Variants in ESYT1 observed in about 807,000 individuals in gnomAD.
The protein encoded by ESYT1 is extended synaptotagmin-1.
ESYT1 carries 116 observed loss-of-function variants against 154.2 expected under a neutral mutation model. That is an observed-to-expected ratio of 0.75 (90% CI 0.65 to 0.88). The LOEUF is 0.88. Among genes scored for constraint, ESYT1 ranks in the 40% least tolerant of loss-of-function variants. The probability of loss-of-function intolerance (pLI) is 0.00; values close to 1 mark genes in which losing one functional copy is unlikely to be tolerated. For synonymous variants in ESYT1, 500 were observed against 539.9 expected (o/e 0.93, Z 1.02); for missense variants, 1,264 against 1,379.3 (o/e 0.92, Z 1.32).
Position 56,128,531 on chromosome 12 carries a change from C to T in ESYT1, c.212C>T (p.Ala71Val). 1 of 1,612,550 alleles carries T rather than the reference C, an allele frequency of 6.2e-7. No homozygotes were observed. Among genetic ancestry groups the T allele is most frequent in the Middle Eastern group, 1.7e-4 (1 of 5,976 alleles). Reference sequence around the variant, plus strand: ...CTGGTGCTGATACCTGTGTATTTGGCCGGGGCAGTGGGACTCAGCGTGGGT... The same window carrying T: ...CTGGTGCTGATACCTGTGTATTTGGTCGGGGCAGTGGGACTCAGCGTGGGT... The part of the protein sequence containing the change: ...RLLVLIPVYL[A>V]GAVGLSVGFV... The change falls in exon 1 of 31, where the codon GCC (alanine) becomes GTC (valine). Residue 71 changes from alanine (A) to valine (V), a missense_variant. Ala to Val is a moderately conservative substitution (Grantham distance 64). Transcript: ENST00000394048.
chr12:56,144,307 A>G lies in ESYT1; in HGVS notation c.*445A>G. ...GGACAGGCTAACCTCTCCAGCTGTG[A>G]GCCTCTTAGACTACTGCATGTAGCA... On this transcript the variant is annotated 3_prime_UTR_variant, in exon 31 of 31. Coordinates refer to ENST00000394048, the MANE Select transcript of ESYT1 (RefSeq NM_015292.3). The G allele has an allele frequency of 9.6e-7, 1 of 1,042,766 alleles. No homozygotes were observed. The highest frequency in any genetic ancestry group is 1.2e-6 in the Non-Finnish European group (1 of 863,690). The allele number at this position is 1,042,766 out of a possible 1,614,324, so 64.6% of individuals were successfully genotyped here.
chr12:56,138,063 T>A lies in ESYT1; in HGVS notation c.2236T>A (p.Phe746Ile), dbSNP rs149880853. 1 of 1,614,192 alleles carries A rather than the reference T, an allele frequency of 6.2e-7. No individual in the cohort carries two copies. Among genetic ancestry groups the A allele is most frequent in the African/African-American group, 1.3e-5 (1 of 75,044 alleles). The change falls in exon 20 of 31, where the codon TTC (phenylalanine) becomes ATC (isoleucine). Residue 746 changes from phenylalanine to isoleucine, a missense_variant. Transcript: ENST00000394048. ...TCTCACCACAGTCTTAAACAGTGGC[T>A]TCCTTGATGAGGTGAGCATTGAATT... The part of the protein sequence containing the change: ...VRLTTVLNSG[F>I]LDEWLTLEDV...
In ESYT1 at chr12:56,134,437, A is replaced by G; in HGVS notation, c.1632+9A>G. On this transcript the variant is annotated intron_variant, in intron 15 of 30. Coordinates refer to ENST00000394048, the MANE Select transcript of ESYT1 (RefSeq NM_015292.3). ...AGGAGCTCGATGTGCAAGTGAGATA[A>G]TCACCTCTTCATCCCCTCCCGAATA... The G allele has an allele frequency of 6.2e-6, 10 of 1,611,188 alleles. No homozygotes were observed. The highest frequency in any genetic ancestry group is 6.8e-6 in the Non-Finnish European group (8 of 1,177,512).
At chr12:56,131,701 T>G in intron 6 of ESYT1, 48 bp from the exon 7 acceptor site, 1 of 1,612,406 alleles carries the variant, frequency 6.2e-7, no homozygotes, top group Non-Finnish European at 8.5e-7. Flanking sequence ...TTGATGGGTA[T>G]GACCACACCC....
chr12:56,134,846 G>A (rs560686128), intron 15 of ESYT1, among the ~76,000 whole-genome samples: 1 of 152,182 alleles, frequency 6.6e-6, no homozygotes, highest in South Asian at 2.1e-4. Context: ...TGATCCGCCT[G>A]CCTCAGCCTC....
At position 56,138,188 on chromosome 12, in the gene ESYT1, G is replaced by A. The variant is rs1474725704; in HGVS notation, c.2253G>A (p.Leu751=). 1 of 1,614,102 alleles carries A rather than the reference G, an allele frequency of 6.2e-7. No individual in the cohort carries two copies. The highest frequency in any genetic ancestry group is 8.5e-7 in the Non-Finnish European group (1 of 1,180,044). Residue 751 remains leucine (L), a synonymous_variant, in exon 21 of 31, where the codon CTG becomes CTA. Coordinates refer to ENST00000394048, the MANE Select transcript of ESYT1 (RefSeq NM_015292.3). ...VLNSGFLDEW[L]TLEDVPSGRL... is the part of the protein sequence containing the mutation. ...CACCCTGCCTACTTCCACAGTGGCTGACCCTGGAGGATGTCCCATCTGGCC... is the reference window on the plus strand; with the variant it reads ...CACCCTGCCTACTTCCACAGTGGCTAACCCTGGAGGATGTCCCATCTGGCC...
In ESYT1 at chr12:56,135,518, A is replaced by G. The variant is rs115391641; in HGVS notation, c.1632+1090A>G. Among the ~76,000 whole-genome samples, 310 of 152,172 alleles carry G rather than the reference A, an allele frequency of 2.0e-3. 2 individuals carry two copies. Among genetic ancestry groups the G allele is most frequent in the Middle Eastern group, 0.014 (4 of 294 alleles). Reference sequence around the variant, plus strand: ...TCATAGAAAAAGCACAAAACATAGTATCTGCCTTCACAATACTCACTGGCC... The same window carrying G: ...TCATAGAAAAAGCACAAAACATAGTGTCTGCCTTCACAATACTCACTGGCC... On this transcript the variant is annotated intron_variant, in intron 15 of 30. Coordinates refer to ENST00000394048, the MANE Select transcript of ESYT1 (RefSeq NM_015292.3).
chr12:56,142,288 C>T lies in ESYT1; in HGVS notation c.2596C>T (p.Arg866Trp), dbSNP rs756352947. 1.4e-5 allele frequency: 23 copies of T among 1,613,638 alleles called. No homozygotes were observed. The highest frequency in any genetic ancestry group is 4.5e-5 in the East Asian group (2 of 44,892). ...TCATGGTCCTGTTGCCCCACAGGTT[C>T]GGGGTGAGGGCACTGGCGTGCTGGG... ...PHTESLELQV[R>W]GEGTGVLGSL... Residue 866 changes from arginine (R) to tryptophan (W), a missense_variant, in exon 25 of 31, where the codon CGG (arginine) becomes TGG (tryptophan). By Grantham distance (101) the Arg-to-Trp change is moderately radical (BLOSUM62 -3). Transcript: ENST00000394048. The surrounding 1 kb of genome is among the most constrained non-coding windows in gnomAD (Gnocchi z 4.1).
In ESYT1 at chr12:56,143,087, C is replaced by T. The variant is rs1273670272; in HGVS notation, c.3058C>T (p.Arg1020Ter). Reference protein sequence around the residue: ...VSLLLLPDKNRGTKRRTSQKK... With the variant: ...VSLLLLPDKN ...ACTGTTGCTACTGCCAGACAAGAAC[C>T]GAGGCACCAAGAGGAGGACCTCACA... Residue 1020 changes from arginine (R) to a stop codon, truncating the protein, a stop_gained, in exon 28 of 31, where the codon CGA (arginine) becomes TGA (stop). Transcript: ENST00000394048. LOFTEE classifies it high-confidence loss of function. 1.2e-6 allele frequency: 2 copies of T among 1,614,108 alleles called. No individual in the cohort carries two copies. Among genetic ancestry groups the T allele is most frequent in the South Asian group, 2.2e-5 (2 of 91,066 alleles).
intron 24 of ESYT1, among the ~76,000 whole-genome samples, 160 bp downstream of exon 24, chr12:56,139,173 A>G (rs980468896): frequency 6.7e-6 from 1 of 148,368 alleles, no homozygotes; most frequent in Non-Finnish European, 1.5e-5. Context: ...CAGTGGTGCT[A>G]TCTTGGCTCA....
intron 10 of ESYT1, 69 bp from the exon 11 acceptor site, chr12:56,133,348 C>T: frequency 1.3e-6 from 2 of 1,582,712 alleles, no homozygotes; most frequent in South Asian, 2.2e-5. Context: ...TGGAGGGCCA[C>T]TGACATGCTG....
rs1870747401 is a variant in ESYT1, at chr12:56,142,613, T to C, written c.2769T>C (p.His923=). Residue 923 remains histidine (H), a synonymous_variant, in exon 26 of 31, where the codon CAT becomes CAC. Transcript: ENST00000394048. This position sits in a 1 kb window ranked among gnomAD's most constrained non-coding sequence, Gnocchi z 4.1. The stretch of plus-strand genomic sequence containing the variant: ...CCCAGCACTCGGGAGTGGAAGCTCA[T>C]AGCCACAGCTACAGCCACAGCTCCT... ...LVSQHSGVEA[H]SHSYSHSSSS... is the part of the protein sequence containing the mutation. The C allele has an allele frequency of 1.2e-6, 2 of 1,613,990 alleles. No homozygotes were observed. Among genetic ancestry groups the C allele is most frequent in the Non-Finnish European group, 8.5e-7 (1 of 1,180,014 alleles).
intron 1 of ESYT1, 172 bp from the exon 2 acceptor site, chr12:56,130,410 C>G (rs1431307128): frequency 1.4e-6 from 1 of 720,754 alleles, no homozygotes; most frequent in Non-Finnish European, 2.5e-6. Flanking sequence ...GAGACATCAG[C>G]CCCCAAACTC....
chr12:56,132,992 G>A (rs1033390374), intron 10 of ESYT1, among the ~76,000 whole-genome samples, 191 bp downstream of exon 10: 22 of 152,124 alleles, frequency 1.4e-4, no homozygotes, highest in Non-Finnish European at 2.5e-4. Flanking sequence ...GGTGGCGGGC[G>A]CCTGTACTCC....
chr12:56,132,118 T>G, intron 7 of ESYT1, 91 bp from the exon 8 acceptor site: 1 of 1,588,868 alleles, frequency 6.3e-7, no homozygotes. Flanking sequence ...CTTACAGCTT[T>G]AGGTCTCTCT....
In ESYT1 at chr12:56,143,620, T is replaced by C; in HGVS notation, c.3266T>C (p.Val1089Ala). Residue 1089 changes from valine (V) to alanine (A), a missense_variant, in exon 30 of 31, where the codon GTA becomes GCA. By Grantham distance (64) the Val-to-Ala change is moderately conservative. Coordinates refer to ENST00000394048, the MANE Select transcript of ESYT1 (RefSeq NM_015292.3). ...DLAETDLSQGVARWYDLMDNK... is the reference protein window; with the variant it reads ...DLAETDLSQGAARWYDLMDNK... ...GCTGAGACAGACCTTTCCCAGGGTG[T>C]AGCCCGGTGGTGAGTGTCTGCGTGG... 1 of 1,614,116 alleles carries C rather than the reference T, an allele frequency of 6.2e-7. No individual in the cohort carries two copies. The highest frequency in any genetic ancestry group is 8.5e-7 in the Non-Finnish European group (1 of 1,180,010).
chr12:56,131,718 A>G lies in ESYT1; in HGVS notation c.805-31A>G, dbSNP rs201030269. 3.1e-6 allele frequency: 5 copies of G among 1,613,482 alleles called. No individual in the cohort carries two copies. In the East Asian group the frequency reaches 6.7e-5, roughly 22 times the overall value. ...GATGGGTATGACCACACCCCATAGG[A>G]TCTGTCCTGACCCCTGCTCTTTCCC... On this transcript the variant is annotated intron_variant, in intron 6 of 30. Coordinates refer to ENST00000394048, the MANE Select transcript of ESYT1 (RefSeq NM_015292.3).
intron 15 of ESYT1, among the ~76,000 whole-genome samples, chr12:56,135,919 G>C (rs1363243199): frequency 6.6e-6 from 1 of 151,280 alleles, no homozygotes; most frequent in Non-Finnish European, 1.5e-5. Flanking sequence ...AAATTTGCCA[G>C]GTGTGGTGGC....
chr12:56,132,218 T>C lies in ESYT1; in HGVS notation c.870T>C (p.Ser290=), dbSNP rs1870263827. The change falls in exon 8 of 31, where the codon TCT becomes TCC. Residue 290 remains serine, a synonymous_variant. Transcript: ENST00000394048. ...LLDIPGLSSL[S]DTMIMDSIAA... ...CTACTCCCCCATTCAGCTCACTCTC[T>C]GACACCATGATCATGGACTCCATTG... is the stretch of plus-strand genomic sequence containing the variant. 1 of 1,614,196 alleles carries C rather than the reference T, an allele frequency of 6.2e-7. No individual in the cohort carries two copies. Among genetic ancestry groups the C allele is most frequent in the Non-Finnish European group, 8.5e-7 (1 of 1,180,022 alleles).
Sources: allele counts gnomAD v4.1 joint callset (sites outside exome capture counted in the v4.1 genomes callset), GRCh38; gene constraint gnomAD v4.1.1; non-coding constraint Gnocchi (gnomAD v3.1); transcripts MANE v1.5; gene names NCBI Gene and HGNC (gene_info 2026-07-23, HGNC 2026-07-21).